MBNL1: variants seen among roughly 807,000 people sequenced by gnomAD.
The protein encoded by MBNL1 is muscleblind-like protein 1.
Under a neutral mutation model 42.2 loss-of-function variants are expected in MBNL1, and 8 were observed. The observed-to-expected ratio is 0.19, with a 90% confidence interval of 0.11 to 0.34. The LOEUF (loss-of-function observed/expected upper bound fraction) is 0.34. Among genes scored for constraint, MBNL1 ranks in the 10% least tolerant of loss-of-function variants. The pLI, the probability that MBNL1 is intolerant of heterozygous loss-of-function variation, is 1.00. For synonymous variants in MBNL1, 169 were observed against 173.9 expected (o/e 0.97, Z 0.22); for missense variants, 309 against 495.3 (o/e 0.62, Z 3.57).
At chr3:152,338,030 G>A (rs914530453) in intron 2 of MBNL1, 3 of 891,762 alleles carry the variant, frequency 3.4e-6, no homozygotes, top group Non-Finnish European at 4.0e-6. Context: ...GCGATGACAA[G>A]ATATAATAAT....
chr3:152,420,615 C>T (rs2098788780), intron 3 of MBNL1, among the ~76,000 whole-genome samples: 1 of 152,192 alleles, frequency 6.6e-6, no homozygotes, highest in South Asian at 2.1e-4. Context: ...TATCGAAGGT[C>T]ACCAACATCA....
At chr3:152,447,548 C>A in intron 5 of MBNL1, 72 bp from the exon 6 acceptor site, 1 of 1,273,252 alleles carries the variant, frequency 7.9e-7, no homozygotes, top group Non-Finnish European at 1.1e-6. Context: ...CAATTTTAGC[C>A]TTCGACTGAT....
At chr3:152,351,570 T>C (rs775829909) in intron 2 of MBNL1, among the ~76,000 whole-genome samples, 1 of 152,194 alleles carries the variant, frequency 6.6e-6, no homozygotes, top group Non-Finnish European at 1.5e-5. Flanking sequence ...TTTTTACTTG[T>C]ACATATATGG....
Position 152,274,134 on chromosome 3 carries a change from A to G in MBNL1, c.-790+5042A>G, listed in dbSNP as rs534689181. Among the ~76,000 whole-genome samples, 11 of 152,214 alleles carry G rather than the reference A, an allele frequency of 7.2e-5. No homozygotes were observed. In the South Asian group the frequency reaches 2.3e-3, roughly 32 times the overall value. On this transcript the variant is annotated intron_variant, in intron 1 of 9. Coordinates refer to ENST00000324210, the MANE Select transcript of MBNL1 (RefSeq NM_021038.5). ...TCCAAAAATTTGTATTTGACACTGG[A>G]TTTTTTCCTACGTTTTCACTTTTAA...
At chr3:152,448,149 A>G (rs891333895) in intron 6 of MBNL1, among the ~76,000 whole-genome samples, 2 of 152,184 alleles carry the variant, frequency 1.3e-5, no homozygotes, top group African/African-American at 2.4e-5. Flanking sequence ...TTTAAATTAT[A>G]TAAAACAGCA....
chr3:152,246,748 G>C (rs2033128649), intron 2 of MBNL1, among the ~76,000 whole-genome samples: 1 of 151,746 alleles, frequency 6.6e-6, no homozygotes, highest in Non-Finnish European at 1.5e-5. Flanking sequence ...TGTAAAATTT[G>C]GTCTCTGTCT....
At chr3:152,401,248 T>A (rs1340782815) in intron 2 of MBNL1, among the ~76,000 whole-genome samples, 1 of 152,192 alleles carries the variant, frequency 6.6e-6, no homozygotes, top group African/African-American at 2.4e-5. Flanking sequence ...GACAGACTTG[T>A]AGAAATTATC....
intron 2 of MBNL1, among the ~76,000 whole-genome samples, chr3:152,384,456 T>A (rs1260764675): frequency 6.6e-6 from 1 of 152,150 alleles, no homozygotes; most frequent in Non-Finnish European, 1.5e-5. Flanking sequence ...TTTTAGAAGT[T>A]ACATTTGTAA....
intron 2 of MBNL1, among the ~76,000 whole-genome samples, chr3:152,347,662 C>A (rs1035571837): frequency 6.6e-6 from 1 of 152,088 alleles, no homozygotes; most frequent in African/African-American, 2.4e-5. Flanking sequence ...AGTTATTTGG[C>A]TTCCTATGAC....
intron 9 of MBNL1, among the ~76,000 whole-genome samples, chr3:152,460,977 G>A (rs1744720395): frequency 6.6e-6 from 1 of 152,164 alleles, no homozygotes; most frequent in African/African-American, 2.4e-5. Context: ...ATTTCTCTTA[G>A]AGCAAAGATG....
chr3:152,432,681 C>G, intron 3 of MBNL1, 36 bp from the exon 4 acceptor site: 1 of 1,575,788 alleles, frequency 6.3e-7, no homozygotes, highest in Non-Finnish European at 8.7e-7. Context: ...GAGCTGAGAC[C>G]TGCATGTTAA....
chr3:152,359,465 G>A (rs1338741679), intron 2 of MBNL1, among the ~76,000 whole-genome samples: 1 of 152,152 alleles, frequency 6.6e-6, no homozygotes, highest in East Asian at 1.9e-4. Context: ...TGGGGAAGGA[G>A]ACACTGATTT....
At chr3:152,412,670 C>T (rs1485106065) in intron 2 of MBNL1, among the ~76,000 whole-genome samples, 2 of 152,072 alleles carry the variant, frequency 1.3e-5, no homozygotes, top group African/African-American at 4.8e-5. Flanking sequence ...ACCAAACACA[C>T]GTGATTTCTC....
At chr3:152,243,736 A>G (rs941610740), upstream of MBNL1, 1 of 152,196 alleles carries the variant, frequency 6.6e-6, no homozygotes, top group Non-Finnish European at 1.5e-5. Flanking sequence ...GTTTTCTGTG[A>G]TCATTGAGCC....
chr3:152,343,449 G>A (rs2093692667), intron 2 of MBNL1, among the ~76,000 whole-genome samples: 1 of 152,092 alleles, frequency 6.6e-6, no homozygotes, highest in African/African-American at 2.4e-5. Flanking sequence ...TTGAGGTTGA[G>A]GATGTGTATC....
At chr3:152,361,890 T>C (rs2095989032) in intron 2 of MBNL1, among the ~76,000 whole-genome samples, 2 of 152,190 alleles carry the variant, frequency 1.3e-5, no homozygotes, top group South Asian at 4.1e-4. Context: ...ACCTAAGAAT[T>C]TTATTTTCTT....
intron 2 of MBNL1, chr3:152,340,692 C>T: frequency 1.2e-6 from 2 of 1,613,934 alleles, no homozygotes; most frequent in Non-Finnish European, 1.7e-6. Flanking sequence ...TAGCAAGATC[C>T]CAGATGTAAA....
At chr3:152,293,841 C>T (rs901750990) in intron 1 of MBNL1, among the ~76,000 whole-genome samples, 1 of 152,142 alleles carries the variant, frequency 6.6e-6, no homozygotes, top group Admixed American at 6.5e-5. Flanking sequence ...TTTAACCTTG[C>T]TCATAGAGGC....
chr3:152,247,413 C>T (rs942319995), intron 2 of MBNL1, among the ~76,000 whole-genome samples: 1 of 151,592 alleles, frequency 6.6e-6, no homozygotes, highest in African/African-American at 2.4e-5. Flanking sequence ...TACATGAGCT[C>T]TGTATGATAA....
Sources: allele counts gnomAD v4.1 joint callset (sites outside exome capture counted in the v4.1 genomes callset), GRCh38; gene constraint gnomAD v4.1.1; transcripts MANE v1.5; gene names NCBI Gene and HGNC (gene_info 2026-07-23, HGNC 2026-07-21).